EXOC4: variants seen among roughly 807,000 people sequenced by gnomAD.
EXOC4 encodes the protein exocyst complex component 4, also known as SEC8-like 1.
Under a neutral mutation model 107.2 loss-of-function variants are expected in EXOC4, and 71 were observed. That is an observed-to-expected ratio of 0.66 (90% CI 0.55 to 0.81). The LOEUF (loss-of-function observed/expected upper bound fraction) is 0.81, where lower values mean the gene tolerates loss of function less well. Among genes scored for constraint, EXOC4 ranks in the 30% least tolerant of loss-of-function variants. The pLI is 0.00. For synonymous variants in EXOC4, 456 were observed against 441.2 expected, an observed-to-expected ratio of 1.03 and a Z score of -0.42; for missense variants, 1,108 against 1,189.6, an observed-to-expected ratio of 0.93 and a Z score of 1.01.
intron 3 of EXOC4, 134 bp from the exon 4 acceptor site, chr7:133,305,743 C>G: frequency 1.5e-6 from 1 of 680,050 alleles, no homozygotes; most frequent in South Asian, 2.4e-5. Context: ...TTATACTCTA[C>G]GAAGTCTTTT....
intron 9 of EXOC4, among the ~76,000 whole-genome samples, chr7:133,577,547 A>C (rs969426563): frequency 2.6e-5 from 4 of 152,210 alleles, no homozygotes; most frequent in African/African-American, 9.6e-5. Flanking sequence ...ATTACACAAC[A>C]AGTTAAGTCA....
chr7:133,888,279 AGCATAATAAAAAT>A (rs1180721155), intron 11 of EXOC4, among the ~76,000 whole-genome samples: 1 of 152,214 alleles, frequency 6.6e-6, no homozygotes, highest in Non-Finnish European at 1.5e-5. Context: ...TCTGTATTTA[AGCATAATAAAAAT>A]GCCTTTGATT....
rs111344867 is a variant in EXOC4 at position 134,048,620 on chromosome 7, T to C, written c.2688-15671T>C. On this transcript the variant is annotated intron_variant, in intron 17 of 17. Transcript: ENST00000253861. The stretch of plus-strand genomic sequence containing the variant: ...TGAGTAAAGGGTGTCCTCTTATTTC[T>C]TATGTTCTCACTGCTAGCCTTCTCT... 2.9e-3 allele frequency among the ~76,000 whole-genome samples: 442 copies of C among 152,320 alleles called. 3 individuals carry two copies. Among genetic ancestry groups the C allele is most frequent in the African/African-American group, 9.7e-3 (405 of 41,566 alleles).
At chr7:133,381,572 G>T (rs577360617) in intron 7 of EXOC4, among the ~76,000 whole-genome samples, 4 of 152,150 alleles carry the variant, frequency 2.6e-5, no homozygotes, top group Non-Finnish European at 5.9e-5. Flanking sequence ...GAAGAGTTTA[G>T]CATAAATGAA....
chr7:133,496,061 C>T (rs538602244), intron 9 of EXOC4, among the ~76,000 whole-genome samples: 1 of 152,168 alleles, frequency 6.6e-6, no homozygotes, highest in South Asian at 2.1e-4. Flanking sequence ...CTTCCCCTGC[C>T]CCCATACTGG....
At chr7:133,767,440 T>C (rs113528075) in intron 10 of EXOC4, among the ~76,000 whole-genome samples, 5 of 151,632 alleles carry the variant, frequency 3.3e-5, no homozygotes, top group African/African-American at 4.8e-5. Flanking sequence ...GCCTTTTATA[T>C]ACACACACAC....
chr7:133,524,631 A>G (rs1299969794), intron 9 of EXOC4, among the ~76,000 whole-genome samples: 2 of 151,414 alleles, frequency 1.3e-5, no homozygotes, highest in Admixed American at 1.3e-4. Flanking sequence ...GGTGTAAGGA[A>G]GGGATCCAGT....
intron 10 of EXOC4, among the ~76,000 whole-genome samples, chr7:133,764,856 G>T (rs1055568596): frequency 1.4e-4 from 21 of 152,000 alleles, no homozygotes; most frequent in African/African-American, 5.1e-4. Context: ...TCTGGAAGGT[G>T]GTGGGAAGGA....
At chr7:133,999,323 C>T (rs1585311310) in intron 15 of EXOC4, among the ~76,000 whole-genome samples, 1 of 152,092 alleles carries the variant, frequency 6.6e-6, no homozygotes, top group East Asian at 1.9e-4. Context: ...TCCAGGGTGA[C>T]TCCTTGTGTG....
chr7:133,586,513 AC>A (rs1212871275), intron 9 of EXOC4, among the ~76,000 whole-genome samples: 1 of 152,058 alleles, frequency 6.6e-6, no homozygotes, highest in Non-Finnish European at 1.5e-5. Context: ...TATCCAGTCT[AC>A]CATTGATGGA....
intron 14 of EXOC4, among the ~76,000 whole-genome samples, chr7:133,995,930 G>A (rs1794381151): frequency 6.6e-6 from 1 of 152,162 alleles, no homozygotes; most frequent in African/African-American, 2.4e-5. Context: ...GACCTTCTGA[G>A]TTAGTGATGC....
At chr7:133,955,239 T>C (rs1800786301) in intron 14 of EXOC4, among the ~76,000 whole-genome samples, 1 of 152,220 alleles carries the variant, frequency 6.6e-6, no homozygotes, top group African/African-American at 2.4e-5. Context: ...AGGAGCTTTA[T>C]TGAGCAACAA....
chr7:134,053,510 C>G (rs1184528365), intron 17 of EXOC4, among the ~76,000 whole-genome samples: 1 of 151,194 alleles, frequency 6.6e-6, no homozygotes, highest in African/African-American at 2.4e-5. Context: ...AACTGGCTCC[C>G]GAGTCCATGA....
chr7:133,464,690 T>C lies in EXOC4; in HGVS notation c.1183-10638T>C, dbSNP rs151240120. ...ACTCTGTGATGATAGAAGGAGTCAGTATATTATGATGAAACATACTAGTCT... is the reference window on the plus strand; with the variant it reads ...ACTCTGTGATGATAGAAGGAGTCAGCATATTATGATGAAACATACTAGTCT... On this transcript the variant is annotated intron_variant, in intron 7 of 17. Transcript: ENST00000253861. Among the ~76,000 whole-genome samples, 255 of 152,168 alleles carry C rather than the reference T, an allele frequency of 1.7e-3. 1 individual carries two copies. Among genetic ancestry groups the C allele is most frequent in the African/African-American group, 5.9e-3 (244 of 41,530 alleles).
At chr7:133,414,207 A>G (rs1190728838) in intron 7 of EXOC4, among the ~76,000 whole-genome samples, 1 of 152,178 alleles carries the variant, frequency 6.6e-6, no homozygotes, top group African/African-American at 2.4e-5. Flanking sequence ...TGCTTGAATG[A>G]CCAATTATAA....
intron 11 of EXOC4, among the ~76,000 whole-genome samples, chr7:133,841,065 A>G (rs1012020872): frequency 1.3e-5 from 2 of 152,172 alleles, no homozygotes; most frequent in African/African-American, 4.8e-5. Flanking sequence ...GGGAAGTCCA[A>G]GATCAAAGTG....
chr7:133,919,191 A>G (rs1213656866), intron 13 of EXOC4, among the ~76,000 whole-genome samples: 1 of 152,208 alleles, frequency 6.6e-6, no homozygotes, highest in East Asian at 1.9e-4. Flanking sequence ...ATTATATAAG[A>G]AAACTGTCTC....
intron 17 of EXOC4, among the ~76,000 whole-genome samples, chr7:134,014,865 A>C (rs563554019): frequency 2.7e-4 from 41 of 152,320 alleles, no homozygotes; most frequent in South Asian, 8.3e-4. Context: ...TGAGGAGCCA[A>C]AGTTTTATCC....
intron 11 of EXOC4, among the ~76,000 whole-genome samples, chr7:133,863,189 A>T (rs553316099): frequency 2.6e-4 from 39 of 152,124 alleles, no homozygotes; most frequent in Admixed American, 1.0e-3. Context: ...AACCAGACCA[A>T]CCTCTGGCTA....
Sources: allele counts gnomAD v4.1 joint callset (sites outside exome capture counted in the v4.1 genomes callset), GRCh38; gene constraint gnomAD v4.1.1; transcripts MANE v1.5; gene names NCBI Gene and HGNC (gene_info 2026-07-23, HGNC 2026-07-21).